DNALI1: variants seen among roughly 807,000 people sequenced by gnomAD.
DNALI1 encodes the protein dynein axonemal light intermediate chain 1, also known as axonemal dynein light intermediate polypeptide 1.
DNALI1 carries 31 observed loss-of-function variants against 33.9 expected under a neutral mutation model. The observed-to-expected ratio is 0.91, with a 90% CI of 0.69 to 1.23. DNALI1 has a LOEUF of 1.23. Ranked by LOEUF, DNALI1 falls within the 50% of genes most tolerant of loss-of-function variation. The pLI is 0.00. For missense variants in DNALI1, 305 were observed against 323.8 expected, an observed-to-expected ratio of 0.94 and a Z score of 0.44; for synonymous variants, 117 against 129.2, an observed-to-expected ratio of 0.91 and a Z score of 0.64.
In DNALI1 at chr1:37,561,712, G is replaced by C; in HGVS notation, c.553G>C (p.Gly185Arg). The change falls in exon 4 of 6, where the codon GGG (glycine) becomes CGG (arginine). Residue 185 changes from glycine (G) to arginine (R), a missense_variant. Transcript: ENST00000652629. The surrounding 1 kb of genome is among the most constrained non-coding windows in gnomAD (Gnocchi z 4.6). ...GMRKALQAEQ[G>R]KSDMERKIAE... ...GAGGAAGGCACTGCAGGCTGAGCAG[G>C]GGAAGTCAGACATGGAGAGGAAAGT... 6.2e-7 allele frequency: 1 copy of C among 1,614,018 alleles called. No individual in the cohort carries two copies. The highest frequency in any genetic ancestry group is 1.1e-5 in the South Asian group (1 of 91,074).
intron 3 of DNALI1, chr1:37,560,774 G>GT (rs1326178017): frequency 6.6e-6 from 1 of 152,114 alleles, no homozygotes; most frequent in African/African-American, 2.4e-5. Context: ...ACTTCCATCT[G>GT]TTTTTTCAAA....
rs1324288248 is a variant in DNALI1, at chr1:37,565,662, T to C, written c.*601T>C. ...AACAATGGCAGTCAAACCCATGGCTTTGGAGAAAGTAAATGTTTGCCAGAA... is the reference window on the plus strand; with the variant it reads ...AACAATGGCAGTCAAACCCATGGCTCTGGAGAAAGTAAATGTTTGCCAGAA... On this transcript the variant is annotated 3_prime_UTR_variant, in exon 6 of 6. Coordinates refer to ENST00000652629, the MANE Select transcript of DNALI1 (RefSeq NM_003462.5). The C allele has an allele frequency of 6.5e-6, 1 of 152,982 alleles. No homozygotes were observed. Among genetic ancestry groups the C allele is most frequent in the Non-Finnish European group, 1.5e-5 (1 of 68,670 alleles). The allele number at this position is 152,982 out of a possible 1,614,324, so 9.5% of individuals were successfully genotyped here. A position where few individuals can be genotyped will look rare whatever the true frequency, so the allele number is the denominator to read the frequency against.
chr1:37,564,182 G>A (rs565605631), intron 5 of DNALI1, among the ~76,000 whole-genome samples: 21 of 151,788 alleles, frequency 1.4e-4, no homozygotes, highest in Admixed American at 3.3e-4. Context: ...GCAGTGAACC[G>A]ATATCACACC....
intron 5 of DNALI1, among the ~76,000 whole-genome samples, chr1:37,563,727 A>AT (rs1354798386): frequency 6.6e-6 from 1 of 152,044 alleles, no homozygotes; most frequent in Non-Finnish European, 1.5e-5. Flanking sequence ...CTGACCTCAC[A>AT]TGATCTGCCC....
intron 2 of DNALI1, chr1:37,557,966 G>A (rs907396560): frequency 1.7e-6 from 1 of 586,392 alleles, no homozygotes. Context: ...CAATCTCATG[G>A]CTTTAGATAC....
Position 37,561,830 on chromosome 1 carries a change from G to A in DNALI1, c.576+95G>A. ...CCAGCACTACATTCTGACCTCCTAA[G>A]GTGCTCTGCTGACAGTCACGACACC... is the stretch of plus-strand genomic sequence containing the variant. On this transcript the variant is annotated intron_variant, in intron 4 of 5. Coordinates refer to ENST00000652629, the MANE Select transcript of DNALI1 (RefSeq NM_003462.5). This position sits in a 1 kb window ranked among gnomAD's most constrained non-coding sequence, Gnocchi z 4.6. 3 of 1,491,206 alleles carry A rather than the reference G, an allele frequency of 2.0e-6. No homozygotes were observed. Among genetic ancestry groups the A allele is most frequent in the Non-Finnish European group, 2.7e-6 (3 of 1,106,568 alleles). 92.4% of individuals were successfully genotyped at this position (1,491,206 alleles called of 1,614,324 possible). A position where few individuals can be genotyped will look rare whatever the true frequency, so the allele number is the denominator to read the frequency against.
In DNALI1 at chr1:37,561,451, G is replaced by A. The variant is rs139337139; in HGVS notation, c.398-106G>A. The A allele has an allele frequency of 9.2e-4, 1,301 of 1,419,226 alleles. 1 individual carries two copies. Among genetic ancestry groups the A allele is most frequent in the Middle Eastern group, 1.3e-3 (5 of 3,912 alleles). The allele number at this position is 1,419,226 out of a possible 1,614,324, so 87.9% of individuals were successfully genotyped here. On this transcript the variant is annotated intron_variant, in intron 3 of 5. Coordinates refer to ENST00000652629, the MANE Select transcript of DNALI1 (RefSeq NM_003462.5). This position sits in a 1 kb window ranked among gnomAD's most constrained non-coding sequence, Gnocchi z 4.6. The stretch of plus-strand genomic sequence containing the variant: ...GAGGCCTTGCACTTTGTCTCCAAGC[G>A]AGAACACCCTAATGTCCTTCCCAAG...
At chr1:37,560,816 TAGTC>T (rs1054420821) in intron 3 of DNALI1, 11 of 152,260 alleles carry the variant, frequency 7.2e-5, no homozygotes, top group African/African-American at 2.7e-4. Context: ...GCTAATTTTT[TAGTC>T]AGAAAGATTA....
chr1:37,566,053 A>AC lies in DNALI1; in HGVS notation c.*993dup, dbSNP rs1218544095. 2 of 152,212 alleles carry AC rather than the reference A, an allele frequency of 1.3e-5. No individual in the cohort carries two copies. Among genetic ancestry groups the AC allele is most frequent in the Non-Finnish European group, 2.9e-5 (2 of 68,032 alleles). 9.4% of individuals were successfully genotyped at this position (152,212 alleles called of 1,614,324 possible). A position where few individuals can be genotyped will look rare whatever the true frequency, so the allele number is the denominator to read the frequency against. Reference sequence around the variant, plus strand: ...GCACAAGTAACATTACCTAAAAGGCACTAACATGCTCAGGTTCCCCAGAAA... The same window carrying AC: ...GCACAAGTAACATTACCTAAAAGGCACCTAACATGCTCAGGTTCCCCAGAAA... On this transcript the variant is annotated 3_prime_UTR_variant, in exon 6 of 6. Coordinates refer to ENST00000652629, the MANE Select transcript of DNALI1 (RefSeq NM_003462.5).
At position 37,557,702 on chromosome 1, in the gene DNALI1, C is replaced by A; in HGVS notation, c.181C>A (p.Pro61Thr). Reference sequence around the variant, plus strand: ...CCCCTCAACTCCCTGTGTCCCAGATCCTACAAAGCAGGCAGAAGAAATCTT... The same window carrying A: ...CCCCTCAACTCCCTGTGTCCCAGATACTACAAAGCAGGCAGAAGAAATCTT... ...KLPSTPCVPD[P>T]TKQAEEILNA... is the part of the protein sequence containing the mutation. Residue 61 changes from proline (P) to threonine (T), a missense_variant, in exon 2 of 6, where the codon CCT becomes ACT. Transcript: ENST00000652629. The A allele has an allele frequency of 1.2e-6, 2 of 1,613,978 alleles. No individual in the cohort carries two copies. Among genetic ancestry groups the A allele is most frequent in the Non-Finnish European group, 1.7e-6 (2 of 1,179,960 alleles).
Position 37,562,275 on chromosome 1 carries a change from G to A in DNALI1, c.741+30G>A, listed in dbSNP as rs1314012163. ...TCAACGCGCAGGGTGGGGTGGAGGT[G>A]CCCCCTGCCCTGCGACCCAGCCCCA... On this transcript the variant is annotated intron_variant, in intron 5 of 5. Transcript: ENST00000652629. The surrounding 1 kb of genome is among the most constrained non-coding windows in gnomAD (Gnocchi z 5.8). 1 of 1,597,990 alleles carries A rather than the reference G, an allele frequency of 6.3e-7. No individual in the cohort carries two copies. Among genetic ancestry groups the A allele is most frequent in the African/African-American group, 1.3e-5 (1 of 74,546 alleles).
intron 3 of DNALI1, chr1:37,560,572 A>G (rs139426337): frequency 0.017 from 2,570 of 152,296 alleles, 30 homozygotes; most frequent in Non-Finnish European, 0.028. Context: ...GGGCAAAGCA[A>G]TTGTTCAGGG....
chr1:37,564,905 GA>G, intron 5 of DNALI1, 120 bp from the exon 6 acceptor site: 4 of 1,054,668 alleles, frequency 3.8e-6, no homozygotes, highest in Non-Finnish European at 5.8e-6. Context: ...GGATCAAGGG[GA>G]AAAAGAACCC....
chr1:37,558,887 G>A (rs1222432053), intron 2 of DNALI1, among the ~76,000 whole-genome samples: 7 of 152,206 alleles, frequency 4.6e-5, no homozygotes, highest in African/African-American at 1.7e-4. Context: ...GGGGGCCTAC[G>A]CAGGCACACA....
intron 2 of DNALI1, 176 bp downstream of exon 2, chr1:37,557,924 C>CA (rs1643392563): frequency 1.0e-5 from 8 of 795,152 alleles, no homozygotes; most frequent in Non-Finnish European, 1.5e-5. Context: ...GACCTCTTCT[C>CA]AATCTACCCT....
At position 37,561,856 on chromosome 1, in the gene DNALI1, T is replaced by A; in HGVS notation, c.576+121T>A. On this transcript the variant is annotated intron_variant, in intron 4 of 5. Transcript: ENST00000652629. The surrounding 1 kb of genome is among the most constrained non-coding windows in gnomAD (Gnocchi z 4.6). ...GTGCTCTGCTGACAGTCACGACACC[T>A]GGACTTGCATCACCTCAGTGAGGGA... The A allele has an allele frequency of 7.1e-7, 1 of 1,411,808 alleles. No homozygotes were observed. Among genetic ancestry groups the A allele is most frequent in the Non-Finnish European group, 9.6e-7 (1 of 1,043,922 alleles). The allele number at this position is 1,411,808 out of a possible 1,614,324, so 87.5% of individuals were successfully genotyped here. A position where few individuals can be genotyped will look rare whatever the true frequency, so the allele number is the denominator to read the frequency against.
In DNALI1 at chr1:37,561,948, T is replaced by C; in HGVS notation, c.577-133T>C. On this transcript the variant is annotated intron_variant, in intron 4 of 5. Coordinates refer to ENST00000652629, the MANE Select transcript of DNALI1 (RefSeq NM_003462.5). This position sits in a 1 kb window ranked among gnomAD's most constrained non-coding sequence, Gnocchi z 4.6. ...AGTTGTTTCCGCTGTAGACGCTCCA[T>C]GCCAGGCACTGACCTCCCACTGGGT... 2 of 1,451,162 alleles carry C rather than the reference T, an allele frequency of 1.4e-6. No homozygotes were observed. Among genetic ancestry groups the C allele is most frequent in the South Asian group, 1.3e-5 (1 of 76,790 alleles). 89.9% of individuals were successfully genotyped at this position (1,451,162 alleles called of 1,614,324 possible).
Position 37,557,064 on chromosome 1 carries a change from C to T in DNALI1, c.70C>T (p.Arg24Trp), listed in dbSNP as rs1364337872. Residue 24 changes from arginine to tryptophan, a missense_variant, in exon 1 of 6, where the codon CGG (arginine) becomes TGG (tryptophan). Physicochemically the swap from Arg to Trp is moderately radical, Grantham distance 101. Coordinates refer to ENST00000652629, the MANE Select transcript of DNALI1 (RefSeq NM_003462.5). ...GCTGGTGAGCCGGAACACGGAGAAACGGAGCCCCAAGGTAAAGACGGGGGC... is the reference window on the plus strand; with the variant it reads ...GCTGGTGAGCCGGAACACGGAGAAATGGAGCCCCAAGGTAAAGACGGGGGC... ...PVLVSRNTEKRSPKARLLKVS... is the reference protein window; with the variant it reads ...PVLVSRNTEKWSPKARLLKVS... The T allele has an allele frequency of 6.2e-7, 1 of 1,614,192 alleles. No homozygotes were observed. The highest frequency in any genetic ancestry group is 2.2e-5 in the East Asian group (1 of 44,882).
chr1:37,564,666 C>T (rs1643479279), intron 5 of DNALI1, among the ~76,000 whole-genome samples: 1 of 152,224 alleles, frequency 6.6e-6, no homozygotes, highest in Non-Finnish European at 1.5e-5. Flanking sequence ...CAGGAATGAG[C>T]CACTGCGCCC....
Sources: allele counts gnomAD v4.1 joint callset (sites outside exome capture counted in the v4.1 genomes callset), GRCh38; gene constraint gnomAD v4.1.1; non-coding constraint Gnocchi (gnomAD v3.1); transcripts MANE v1.5; gene names NCBI Gene and HGNC (gene_info 2026-07-23, HGNC 2026-07-21).